Variants in ABCA9 observed in about 807,000 individuals in gnomAD.
ABCA9 encodes ATP binding cassette subfamily A member 9.
A neutral mutation model predicts 205.3 loss-of-function variants in ABCA9; 183 were observed. The ratio of observed to expected loss-of-function variants is 0.89; its 90% CI spans 0.79 to 1.01. The LOEUF (loss-of-function observed/expected upper bound fraction) is 1.01, where lower values mean the gene tolerates loss of function less well. ABCA9 is among the 50% of genes least tolerant of loss of function. The pLI is 0.00. For missense variants in ABCA9, 1,805 were observed against 1,912.4 expected (o/e 0.94, Z 1.05); for synonymous variants, 651 against 683.3 (o/e 0.95, Z 0.74).
chr17:69,061,033 C>G, upstream of ABCA9: 1 of 985,408 alleles, frequency 1.0e-6, no homozygotes, highest in Non-Finnish European at 1.2e-6. Flanking sequence ...AGAATCTGGT[C>G]TCAGTTCAGC....
intron 6 of ABCA9, among the ~76,000 whole-genome samples, chr17:69,038,722 T>G (rs2071428992): frequency 6.6e-6 from 1 of 152,004 alleles, no homozygotes; most frequent in Admixed American, 6.6e-5. Flanking sequence ...GCCAGCACAA[T>G]CAGGCAAGAG....
rs1345441995 is a variant in ABCA9 at position 68,983,757 on chromosome 17, A to C, written c.4592T>G (p.Leu1531Arg). ...GAAAAGCCTCAGGATCTCTGCATGG[A>C]GGGGCTCCATTTGTGCCAGGTTCTT... ...KLKNLAQMEP[L>R]HAEILRLFPQ... The change falls in exon 36 of 39, where the codon CTC (leucine) becomes CGC (arginine). Residue 1531 changes from leucine to arginine, a missense_variant. Physicochemically the swap from Leu to Arg is moderately radical, Grantham distance 102. Transcript: ENST00000340001. 6.2e-7 allele frequency: 1 copy of C among 1,614,198 alleles called. No homozygotes were observed. Among genetic ancestry groups the C allele is most frequent in the South Asian group, 1.1e-5 (1 of 91,086 alleles).
intron 25 of ABCA9, among the ~76,000 whole-genome samples, chr17:69,006,543 T>C (rs1234365998): frequency 6.6e-6 from 1 of 152,268 alleles, no homozygotes; most frequent in Non-Finnish European, 1.5e-5. Flanking sequence ...TATATAATTA[T>C]GCCTTCTACA....
chr17:68,986,556 G>A (rs755168176), intron 31 of ABCA9: 79 of 378,278 alleles, frequency 2.1e-4, no homozygotes, highest in African/African-American at 5.2e-4. Flanking sequence ...TTCCATGACC[G>A]TGATTGAACT....
chr17:69,035,593 T>G, intron 7 of ABCA9, 67 bp downstream of exon 7: 3 of 1,571,216 alleles, frequency 1.9e-6, no homozygotes, highest in Non-Finnish European at 2.6e-6. Context: ...CCAGAATTAG[T>G]GATAAATTAT....
chr17:68,993,727 A>G (rs1418906424), intron 26 of ABCA9, among the ~76,000 whole-genome samples: 2 of 152,188 alleles, frequency 1.3e-5, no homozygotes, highest in African/African-American at 2.4e-5. Context: ...CATCTAGAAA[A>G]GATGACTTTT....
At chr17:69,077,387 A>G in the ABCA9 span, among the ~76,000 whole-genome samples, 11 of 152,078 alleles carry the variant, frequency 7.2e-5, no homozygotes, top group Non-Finnish European at 7.4e-5. Context: ...TATGATTTCA[A>G]CTTTTTAAAA....
chr17:68,992,436 C>A, intron 27 of ABCA9, 170 bp from the exon 28 acceptor site: 1 of 468,852 alleles, frequency 2.1e-6, no homozygotes, highest in Non-Finnish European at 3.8e-6. Context: ...AAGTTAGCCT[C>A]ACTGCTATTC....
chr17:69,074,417 G>T, the ABCA9 span, among the ~76,000 whole-genome samples: 1 of 152,098 alleles, frequency 6.6e-6, no homozygotes, highest in Non-Finnish European at 1.5e-5. Context: ...TCGTCTGTTA[G>T]TCCCCTGGGG....
chr17:69,058,840 A>G (rs985443126), intron 1 of ABCA9, among the ~76,000 whole-genome samples: 7 of 151,872 alleles, frequency 4.6e-5, no homozygotes, highest in Non-Finnish European at 1.0e-4. Context: ...CTGTCTCAAA[A>G]AAAAAAAAAA....
chr17:69,074,161 A>T, the ABCA9 span, among the ~76,000 whole-genome samples: 1 of 152,042 alleles, frequency 6.6e-6, no homozygotes, highest in African/African-American at 2.4e-5. Context: ...TCTCTCCTTG[A>T]CATGGTGATT....
chr17:69,022,329 A>AC (rs1555633611), intron 17 of ABCA9: 1 of 144,110 alleles, frequency 6.9e-6, no homozygotes, highest in Non-Finnish European at 1.5e-5. Flanking sequence ...TAAAATTTCT[A>AC]TTTTTTTTTT....
chr17:69,024,123 C>T, intron 17 of ABCA9, 91 bp downstream of exon 17: 1 of 1,384,446 alleles, frequency 7.2e-7, no homozygotes, highest in Non-Finnish European at 1.0e-6. Flanking sequence ...ATTCATCTAG[C>T]AAGCATTAAA....
chr17:68,986,373 A>G (rs972223350), intron 31 of ABCA9, 49 bp from the exon 32 acceptor site: 4 of 1,513,864 alleles, frequency 2.6e-6, no homozygotes, highest in Non-Finnish European at 3.6e-6. Context: ...TGTCACGTAT[A>G]TGTATATGCA....
At chr17:69,035,869 G>A in intron 6 of ABCA9, 68 bp from the exon 7 acceptor site, 3 of 1,516,308 alleles carry the variant, frequency 2.0e-6, no homozygotes, top group East Asian at 2.3e-5. Flanking sequence ...CATTTATTCA[G>A]CAAATGATTT....
the ABCA9 span, among the ~76,000 whole-genome samples, chr17:69,069,894 T>C: frequency 1.4e-4 from 21 of 152,180 alleles, no homozygotes; most frequent in African/African-American, 4.6e-4. Flanking sequence ...CGGTATCTTG[T>C]AAACATTTCC....
the ABCA9 span, among the ~76,000 whole-genome samples, chr17:69,074,560 G>A: frequency 6.6e-6 from 1 of 152,180 alleles, no homozygotes; most frequent in Non-Finnish European, 1.5e-5. Flanking sequence ...TGTCCATGTT[G>A]TTGCAAAGGA....
chr17:69,055,327 A>G (rs1371058308), intron 1 of ABCA9, among the ~76,000 whole-genome samples: 1 of 152,218 alleles, frequency 6.6e-6, no homozygotes, highest in Non-Finnish European at 1.5e-5. Flanking sequence ...CATGCTAACA[A>G]TAATCAGAAG....
At chr17:68,985,278 C>G in intron 32 of ABCA9, 150 bp from the exon 33 acceptor site, 1 of 895,742 alleles carries the variant, frequency 1.1e-6, no homozygotes. Context: ...ACTTTATGAA[C>G]CTTTCATAGT....
Sources: gnomAD v4.1 joint callset for allele counts (sites outside exome capture counted in the v4.1 genomes callset) on GRCh38, gnomAD v4.1.1 for gene constraint, MANE v1.5 for transcripts, NCBI Gene and HGNC (gene_info 2026-07-23, HGNC 2026-07-21) for gene names.